The following PIK3CB variants were observed in gnomAD, a reference collection of about 807,000 sequenced individuals.
PIK3CB encodes phosphatidylinositol 4,5-bisphosphate 3-kinase catalytic subunit beta isoform.
In PIK3CB, 39 loss-of-function variants were observed where a neutral mutation model predicts 136.8. The observed-to-expected ratio is 0.29, with a 90% CI of 0.22 to 0.37. PIK3CB has a LOEUF of 0.37. Ranked by LOEUF, PIK3CB falls within the 10% of genes least tolerant of loss-of-function variation. The pLI is 1.00. For missense variants in PIK3CB, 868 were observed against 1,275.4 expected (o/e 0.68, Z 4.87); for synonymous variants, 428 against 436.6 (o/e 0.98, Z 0.25).
intron 11 of PIK3CB, among the ~76,000 whole-genome samples, chr3:138,705,201 A>AAAAC (rs2044354275): frequency 7.0e-6 from 1 of 142,200 alleles, no homozygotes; most frequent in East Asian, 2.2e-4. Context: ...AAAAAAAAAA[A>AAAAC]CTTATATTTG....
intron 2 of PIK3CB, among the ~76,000 whole-genome samples, chr3:138,789,145 A>C (rs1375791930): frequency 6.6e-6 from 1 of 151,912 alleles, no homozygotes; most frequent in Non-Finnish European, 1.5e-5. Context: ...ATTAAAGCAT[A>C]TGGCAGGGCG....
chr3:138,690,843 G>A (rs2108505538), intron 15 of PIK3CB, among the ~76,000 whole-genome samples, 157 bp downstream of exon 15: 1 of 151,996 alleles, frequency 6.6e-6, no homozygotes, highest in South Asian at 2.1e-4. Flanking sequence ...AATCAAGAGT[G>A]CTGGTATCAA....
intron 1 of PIK3CB, among the ~76,000 whole-genome samples, chr3:138,815,133 C>CT (rs1933248765): frequency 9.8e-6 from 1 of 102,448 alleles, no homozygotes; most frequent in Admixed American, 1.1e-4. Flanking sequence ...GAGCGAGACT[C>CT]CGTCTCAAAA....
intron 4 of PIK3CB, among the ~76,000 whole-genome samples, chr3:138,744,132 C>G (rs969422586): frequency 6.6e-6 from 1 of 151,962 alleles, no homozygotes; most frequent in Non-Finnish European, 1.5e-5. Context: ...TGGCTCACGC[C>G]TGTAATCCCA....
At chr3:138,705,200 AAC>A (rs2044353965) in intron 11 of PIK3CB, among the ~76,000 whole-genome samples, 14 of 144,244 alleles carry the variant, frequency 9.7e-5, no homozygotes, top group Admixed American at 2.1e-4. Context: ...CAAAAAAAAA[AAC>A]TTATATTTGC....
chr3:138,693,895 A>G (rs570845340), intron 14 of PIK3CB, among the ~76,000 whole-genome samples: 1 of 142,156 alleles, frequency 7.0e-6, no homozygotes, highest in African/African-American at 2.6e-5. Context: ...GGATAAGGAA[A>G]CTATGAGGAC....
intron 21 of PIK3CB, among the ~76,000 whole-genome samples, chr3:138,662,260 G>A (rs699151): frequency 2.4e-4 from 27 of 110,208 alleles, no homozygotes; most frequent in South Asian, 7.1e-4. Context: ...ATCCCTCCCC[G>A]CTCCCCCCAC....
At chr3:138,771,821 G>A (rs2045803842) in intron 2 of PIK3CB, among the ~76,000 whole-genome samples, 1 of 151,298 alleles carries the variant, frequency 6.6e-6, no homozygotes, top group Non-Finnish European at 1.5e-5. Context: ...GAGGCTGAGG[G>A]AGGAGGATCT....
At chr3:138,802,759 G>A (rs772646005) in intron 1 of PIK3CB, among the ~76,000 whole-genome samples, 75 of 152,088 alleles carry the variant, frequency 4.9e-4, no homozygotes, top group Admixed American at 5.2e-4. Flanking sequence ...TCATTTGCCA[G>A]TCTCTCTTGA....
At chr3:138,689,860 G>A (rs373190955) in intron 15 of PIK3CB, among the ~76,000 whole-genome samples, 5 of 152,240 alleles carry the variant, frequency 3.3e-5, no homozygotes, top group Admixed American at 6.5e-5. Flanking sequence ...GCTTTTGTAC[G>A]GGTAAGGCAA....
chr3:138,777,842 C>T (rs2108779646), intron 2 of PIK3CB: 2 of 216,128 alleles, frequency 9.3e-6, no homozygotes, highest in East Asian at 1.1e-4. Context: ...AAAGTGAAAG[C>T]CAGGTAAACT....
Position 138,825,988 on chromosome 3 carries a change from T to C in PIK3CB, c.-122+8707A>G, listed in dbSNP as rs573289275. 12 of 1,547,044 alleles carry C rather than the reference T, an allele frequency of 7.8e-6. No individual in the cohort carries two copies. In the Admixed American group the frequency reaches 2.2e-4, roughly 28 times the overall value. ...CTGCTCAAGTGATTATCCTGAACCA[T>C]TCAGGCCAAATCAGTGCTGGCTATG... On this transcript the variant is annotated intron_variant, in intron 1 of 23. Transcript: ENST00000674063.
At chr3:138,688,187 A>T (rs2043932546) in intron 16 of PIK3CB, among the ~76,000 whole-genome samples, 1 of 152,096 alleles carries the variant, frequency 6.6e-6, no homozygotes, top group Non-Finnish European at 1.5e-5. Context: ...TTTAACTGGA[A>T]ATTAGGAATC....
chr3:138,702,940 T>C (rs1012502879), intron 12 of PIK3CB, among the ~76,000 whole-genome samples: 3 of 152,188 alleles, frequency 2.0e-5, no homozygotes, highest in African/African-American at 4.8e-5. Context: ...GCCTCATCAA[T>C]TGATCATGCA....
At chr3:138,815,550 A>C (rs543388273) in intron 1 of PIK3CB, among the ~76,000 whole-genome samples, 4 of 152,138 alleles carry the variant, frequency 2.6e-5, no homozygotes, top group Admixed American at 2.0e-4. Flanking sequence ...CTGAAAAAAG[A>C]ATAAAGCAGT....
chr3:138,755,463 G>C (rs548186640), intron 4 of PIK3CB, among the ~76,000 whole-genome samples: 4 of 152,274 alleles, frequency 2.6e-5, no homozygotes, highest in Admixed American at 2.6e-4. Flanking sequence ...ACAACACAGT[G>C]AGACCCTGTC....
Position 138,776,340 on chromosome 3 carries a change from A to G in PIK3CB, c.-16-16981T>C, listed in dbSNP as rs867492393. 2.6e-5 allele frequency among the ~76,000 whole-genome samples: 4 copies of G among 152,214 alleles called. No individual in the cohort carries two copies. In the South Asian group the frequency reaches 8.3e-4, roughly 32 times the overall value. On this transcript the variant is annotated intron_variant, in intron 2 of 23. Coordinates refer to ENST00000674063, the MANE Select transcript of PIK3CB (RefSeq NM_006219.3). ...CCTTTTTCTTCTGGAAACTATGGGAATACTCTCAAGGGATTAAAAATGTTT... is the reference window on the plus strand; with the variant it reads ...CCTTTTTCTTCTGGAAACTATGGGAGTACTCTCAAGGGATTAAAAATGTTT...
chr3:138,674,385 A>G (rs1419520326), intron 19 of PIK3CB, among the ~76,000 whole-genome samples: 1 of 152,186 alleles, frequency 6.6e-6, no homozygotes, highest in Admixed American at 6.5e-5. Flanking sequence ...AGAGGGGTGG[A>G]TTCCAGGCAT....
chr3:138,720,791 C>A (rs2044709357), intron 8 of PIK3CB, among the ~76,000 whole-genome samples: 1 of 152,016 alleles, frequency 6.6e-6, no homozygotes. Flanking sequence ...TCGCCTGAGC[C>A]CTAGAGGCAT....
Sources: allele counts gnomAD v4.1 joint callset (sites outside exome capture counted in the v4.1 genomes callset), GRCh38; gene constraint gnomAD v4.1.1; transcripts MANE v1.5; gene names NCBI Gene and HGNC (gene_info 2026-07-23, HGNC 2026-07-21).